Variants in ZRANB1 observed in about 807,000 individuals in gnomAD.
The protein encoded by ZRANB1 is ubiquitin thioesterase ZRANB1.
In ZRANB1, 16 loss-of-function variants were observed where a neutral mutation model predicts 80.5. The observed-to-expected ratio is 0.20, with a 90% CI of 0.13 to 0.30. The LOEUF is 0.30. ZRANB1 is among the 10% of genes least tolerant of loss of function. ZRANB1 has a pLI of 1.00. For missense variants in ZRANB1, 576 were observed against 862.6 expected (o/e 0.67, Z 4.16); for synonymous variants, 291 against 293.1 (o/e 0.99, Z 0.07).
At chr10:124,927,421 A>AT in the ZRANB1 span, among the ~76,000 whole-genome samples, 6 of 152,208 alleles carry the variant, frequency 3.9e-5, no homozygotes, top group Non-Finnish European at 8.8e-5. Context: ...CACTTCTGTG[A>AT]TTTTTAAACC....
the ZRANB1 span, among the ~76,000 whole-genome samples, chr10:124,924,250 A>ATGCGTGATATTAAT: frequency 6.6e-6 from 1 of 151,882 alleles, no homozygotes; most frequent in Middle Eastern, 3.4e-3. Context: ...AAATATTTGA[A>ATGCGTGATATTAAT]TGCGTGATAT....
chr10:124,965,216 G>A (rs1486810723), intron 1 of ZRANB1, among the ~76,000 whole-genome samples: 1 of 152,192 alleles, frequency 6.6e-6, no homozygotes, highest in Non-Finnish European at 1.5e-5. Context: ...ACTTGTATAT[G>A]CATGGTGAGG....
chr10:124,972,622 T>G (rs1202248504), intron 3 of ZRANB1, among the ~76,000 whole-genome samples: 2 of 152,214 alleles, frequency 1.3e-5, no homozygotes, highest in African/African-American at 4.8e-5. Context: ...ATTTCTACTA[T>G]GTTTGTGAAG....
intron 1 of ZRANB1, among the ~76,000 whole-genome samples, chr10:124,956,044 G>A (rs1046111795): frequency 3.3e-5 from 5 of 152,248 alleles, no homozygotes; most frequent in African/African-American, 4.8e-5. Flanking sequence ...CGTAGTTCTC[G>A]GCTTTCAGAA....
At chr10:124,977,668 G>A (rs1048572086) in intron 5 of ZRANB1, among the ~76,000 whole-genome samples, 22 of 139,840 alleles carry the variant, frequency 1.6e-4, no homozygotes, top group African/African-American at 4.1e-4. Context: ...CCAAGATCAT[G>A]CCACTGCACT....
chr10:124,926,418 T>C, the ZRANB1 span, among the ~76,000 whole-genome samples: 1 of 152,234 alleles, frequency 6.6e-6, no homozygotes, highest in African/African-American at 2.4e-5. Flanking sequence ...ATCCTTACCT[T>C]ATAAGCTTTT....
chr10:124,975,820 G>T (rs930750238), intron 5 of ZRANB1, among the ~76,000 whole-genome samples: 3 of 152,190 alleles, frequency 2.0e-5, no homozygotes, highest in African/African-American at 7.2e-5. Flanking sequence ...TGGCCAACTT[G>T]TTGAAACCCT....
intron 1 of ZRANB1, among the ~76,000 whole-genome samples, chr10:124,956,847 C>T (rs1310274739): frequency 6.6e-6 from 1 of 152,112 alleles, no homozygotes; most frequent in African/African-American, 2.4e-5. Flanking sequence ...ACACCACATG[C>T]CTTTGACCTA....
chr10:124,929,818 C>T, the ZRANB1 span, among the ~76,000 whole-genome samples: 12 of 151,820 alleles, frequency 7.9e-5, no homozygotes, highest in Admixed American at 3.3e-4. Flanking sequence ...TGGTGGCACA[C>T]GCCTGTAGTC....
upstream of ZRANB1, among the ~76,000 whole-genome samples, chr10:124,939,446 C>T (rs960488379): frequency 1.3e-5 from 2 of 152,034 alleles, no homozygotes; most frequent in African/African-American, 4.8e-5. Flanking sequence ...ATTATTTTAC[C>T]AGGCATTTAT....
intron 1 of ZRANB1, among the ~76,000 whole-genome samples, chr10:124,953,068 G>C (rs1325241625): frequency 6.7e-6 from 1 of 150,068 alleles, no homozygotes; most frequent in Non-Finnish European, 1.5e-5. Context: ...GGGATTACAG[G>C]TGCACACCAC....
intron 6 of ZRANB1, 42 bp downstream of exon 6, chr10:124,981,871 A>C (rs761770123): frequency 6.2e-7 from 1 of 1,610,358 alleles, no homozygotes; most frequent in Non-Finnish European, 8.5e-7. Context: ...GAGAAAAGTA[A>C]GCATGTAGTC....
intron 2 of ZRANB1, among the ~76,000 whole-genome samples, chr10:124,969,139 A>C (rs556030553): frequency 8.5e-5 from 13 of 152,250 alleles, no homozygotes; most frequent in Non-Finnish European, 1.8e-4. Context: ...AGCTGGTTTT[A>C]CCCCCAACAA....
intron 1 of ZRANB1, among the ~76,000 whole-genome samples, chr10:124,949,523 A>ACATT (rs531718406): frequency 2.6e-5 from 3 of 116,854 alleles, no homozygotes; most frequent in Non-Finnish European, 4.9e-5. Flanking sequence ...ACACACACAC[A>ACATT]TTTTTTTTTT....
At chr10:124,917,175 CGCCGCT>C in the ZRANB1 span, 1 of 170,216 alleles carries the variant, frequency 5.9e-6, no homozygotes, top group Non-Finnish European at 1.2e-5. Flanking sequence ...CGCGGGGAGT[CGCCGCT>C]GCCGCCGCCG....
rs1234173174 is a variant in ZRANB1 at position 124,942,360 on chromosome 10, AT to A, written c.-131del. 2 of 1,450,234 alleles carry A rather than the reference AT, an allele frequency of 1.4e-6. No homozygotes were observed. Among genetic ancestry groups the A allele is most frequent in the African/African-American group, 2.9e-5 (2 of 69,814 alleles). The allele number at this position is 1,450,234 out of a possible 1,614,324, so 89.8% of individuals were successfully genotyped here. ...AAATGTTGCATGCATCTTTTGAGAA[AT>A]TTATATTTTGTAGGTTGAAGGACTT... On this transcript the variant is annotated 5_prime_UTR_variant, in exon 1 of 9. The change creates a premature stop within an existing upstream ORF in the 5' untranslated region. Transcript: ENST00000359653.
chr10:124,984,070 A>G (rs1472416139), intron 8 of ZRANB1, among the ~76,000 whole-genome samples: 4 of 152,046 alleles, frequency 2.6e-5, no homozygotes, highest in African/African-American at 9.7e-5. Context: ...GGAGGAAGGG[A>G]GAAGAGGTCA....
chr10:124,922,326 G>GTAAAATATATATATATATA, the ZRANB1 span, among the ~76,000 whole-genome samples: 17 of 25,644 alleles, frequency 6.6e-4, no homozygotes, highest in East Asian at 5.2e-3. Context: ...TAAAATATAT[G>GTAAAATATATATATATATA]TATATATATA....
intron 3 of ZRANB1, among the ~76,000 whole-genome samples, chr10:124,973,327 A>G (rs1041984089): frequency 1.3e-5 from 2 of 151,602 alleles, no homozygotes; most frequent in Non-Finnish European, 2.9e-5. Context: ...TAATTTTTGT[A>G]TATTTTTTGT....
Sources: gnomAD v4.1 joint callset for allele counts (sites outside exome capture counted in the v4.1 genomes callset) on GRCh38, gnomAD v4.1.1 for gene constraint, MANE v1.5 for transcripts, NCBI Gene and HGNC (gene_info 2026-07-23, HGNC 2026-07-21) for gene names.